The following RARB variants were observed in gnomAD, a reference collection of about 807,000 sequenced individuals.
RARB encodes the protein HBV-activated protein.
In RARB, 17 loss-of-function variants were observed where a neutral mutation model predicts 51.9. The ratio of observed to expected loss-of-function variants is 0.33; its 90% CI spans 0.22 to 0.49. RARB has a LOEUF of 0.49. Among genes scored for constraint, RARB ranks in the 20% least tolerant of loss-of-function variants. The pLI is 0.99. For synonymous variants in RARB, 215 were observed against 195.4 expected, an observed-to-expected ratio of 1.10 and a Z score of -0.84; for missense variants, 369 against 550.8, an observed-to-expected ratio of 0.67 and a Z score of 3.30.
intron 3 of RARB, among the ~76,000 whole-genome samples, chr3:25,525,861 A>G (rs55637130): frequency 0.15 from 23,247 of 152,108 alleles, 2,375 homozygotes; most frequent in African/African-American, 0.29. Context: ...GGAAGTGAGC[A>G]AGTGAGCAGG....
Position 25,596,674 on chromosome 3 carries a change from G to C in RARB, c.*58G>C. The stretch of plus-strand genomic sequence containing the variant: ...TACCTTCAGTTCCAGGATTTAAAAT[G>C]CAAGAAAAAACATTTTTACTGCTGC... On this transcript the variant is annotated 3_prime_UTR_variant, in exon 8 of 8. Coordinates refer to ENST00000330688, the MANE Select transcript of RARB (RefSeq NM_000965.5). 1 of 1,415,696 alleles carries C rather than the reference G, an allele frequency of 7.1e-7. No homozygotes were observed. Among genetic ancestry groups the C allele is most frequent in the Non-Finnish European group, 9.6e-7 (1 of 1,039,412 alleles). 87.7% of individuals were successfully genotyped at this position (1,415,696 alleles called of 1,614,324 possible). A position where few individuals can be genotyped will look rare whatever the true frequency, so the allele number is the denominator to read the frequency against.
intron 5 of RARB, among the ~76,000 whole-genome samples, chr3:25,410,595 C>T (rs1413026181): frequency 1.3e-5 from 2 of 152,122 alleles, no homozygotes; most frequent in Admixed American, 6.5e-5. Context: ...CTTATAGTCC[C>T]CTAAGCCCTG....
At chr3:25,204,910 T>C (rs948910166) in intron 5 of RARB, among the ~76,000 whole-genome samples, 2 of 152,156 alleles carry the variant, frequency 1.3e-5, no homozygotes, top group South Asian at 4.1e-4. Flanking sequence ...CATTCTCAGA[T>C]CTCAAGCTGC....
intron 4 of RARB, among the ~76,000 whole-genome samples, chr3:25,158,773 C>G (rs1700421026): frequency 6.6e-6 from 1 of 152,186 alleles, no homozygotes; most frequent in Admixed American, 6.5e-5. Context: ...TCATCCAGTG[C>G]AGGCACGTAG....
chr3:25,250,580 A>T (rs1288986375), intron 5 of RARB, among the ~76,000 whole-genome samples: 2 of 152,022 alleles, frequency 1.3e-5, no homozygotes, highest in Non-Finnish European at 2.9e-5. Context: ...GTGGCTCATG[A>T]TTCACGCCTG....
intron 4 of RARB, among the ~76,000 whole-genome samples, chr3:25,573,958 C>G (rs967596377): frequency 1.3e-5 from 2 of 152,140 alleles, no homozygotes; most frequent in Non-Finnish European, 2.9e-5. Flanking sequence ...CACCTCAGGC[C>G]AGGGCAGGGC....
chr3:25,389,047 T>C (rs1325210663), intron 5 of RARB, among the ~76,000 whole-genome samples: 4 of 152,026 alleles, frequency 2.6e-5, no homozygotes, highest in South Asian at 4.1e-4. Flanking sequence ...ATGATGAAAA[T>C]AGCTTCATAA....
intron 2 of RARB, among the ~76,000 whole-genome samples, chr3:24,941,546 T>C (rs1468438834): frequency 1.3e-5 from 2 of 152,124 alleles, no homozygotes; most frequent in Non-Finnish European, 2.9e-5. Flanking sequence ...ATTTTTGCAT[T>C]TTTAGTAGAG....
At chr3:25,399,470 C>T (rs1416680534) in intron 5 of RARB, among the ~76,000 whole-genome samples, 2 of 152,108 alleles carry the variant, frequency 1.3e-5, no homozygotes, top group East Asian at 3.9e-4. Context: ...GTTGGCTTTA[C>T]TCTTTATCTT....
chr3:25,428,845 T>G lies in RARB; in HGVS notation c.114T>G (p.Ser38Arg). 6.2e-7 allele frequency: 1 copy of G among 1,614,060 alleles called. No homozygotes were observed. Among genetic ancestry groups the G allele is most frequent in the Middle Eastern group, 1.6e-4 (1 of 6,062 alleles). ...LQEKALKACF[S>R]GLTQTEWQHR... is the part of the protein sequence containing the mutation. ...AGAAAGCTCTCAAAGCATGCTTCAG[T>G]GGATTGACCCAAACCGAATGGCAGC... Residue 38 changes from serine to arginine, a missense_variant, in exon 1 of 8, where the codon AGT (serine) becomes AGG (arginine). Transcript: ENST00000330688.
intron 5 of RARB, among the ~76,000 whole-genome samples, chr3:25,325,250 A>G (rs1381753784): frequency 6.6e-6 from 1 of 152,080 alleles, no homozygotes; most frequent in Non-Finnish European, 1.5e-5. Context: ...AGTGTCTCTC[A>G]GCATGCTAAT....
At chr3:24,947,469 T>C (rs1000804722) in intron 2 of RARB, among the ~76,000 whole-genome samples, 1 of 152,208 alleles carries the variant, frequency 6.6e-6, no homozygotes, top group Non-Finnish European at 1.5e-5. Context: ...AAGTAGAACG[T>C]GTGTAAATCA....
intron 2 of RARB, among the ~76,000 whole-genome samples, chr3:25,025,484 T>C (rs1201093527): frequency 6.6e-6 from 1 of 152,224 alleles, no homozygotes; most frequent in Non-Finnish European, 1.5e-5. Flanking sequence ...TCTCTTTGTA[T>C]GTGCCCAGCT....
intron 5 of RARB, among the ~76,000 whole-genome samples, chr3:25,182,013 C>T (rs952839805): frequency 4.6e-5 from 7 of 152,284 alleles, no homozygotes; most frequent in Non-Finnish European, 1.5e-5. Context: ...TTAAAAATTA[C>T]ATTTTTCTAT....
At chr3:25,270,830 G>A (rs540532058) in intron 5 of RARB, among the ~76,000 whole-genome samples, 4 of 152,216 alleles carry the variant, frequency 2.6e-5, no homozygotes, top group East Asian at 3.9e-4. Context: ...AGGTAATTGC[G>A]GTTTTTGCCA....
At chr3:25,510,870 A>T (rs1697859402) in intron 3 of RARB, among the ~76,000 whole-genome samples, 1 of 152,156 alleles carries the variant, frequency 6.6e-6, no homozygotes, top group Non-Finnish European at 1.5e-5. Context: ...TATTTCTTGA[A>T]TCTCTGCTAA....
At chr3:25,336,019 C>A (rs74368804) in intron 5 of RARB, among the ~76,000 whole-genome samples, 1 of 151,188 alleles carries the variant, frequency 6.6e-6, no homozygotes, top group Admixed American at 6.6e-5. Context: ...TTAGAATTTT[C>A]CTAATAGGTT....
At chr3:25,046,915 C>G (rs1007706057) in intron 2 of RARB, among the ~76,000 whole-genome samples, 1 of 152,168 alleles carries the variant, frequency 6.6e-6, no homozygotes, top group Non-Finnish European at 1.5e-5. Flanking sequence ...CACTCAGCCA[C>G]TGCTGTTTTG....
chr3:25,026,959 A>G (rs1604005), intron 2 of RARB, among the ~76,000 whole-genome samples: 109,696 of 151,668 alleles, frequency 0.72, 40,036 homozygotes, highest in East Asian at 0.91. Flanking sequence ...TTTCTTATTC[A>G]TATCATTTAT....
Sources: gnomAD v4.1 joint callset for allele counts (sites outside exome capture counted in the v4.1 genomes callset) on GRCh38, gnomAD v4.1.1 for gene constraint, MANE v1.5 for transcripts, NCBI Gene and HGNC (gene_info 2026-07-23, HGNC 2026-07-21) for gene names.